Variants in RIN2 observed in about 807,000 individuals in gnomAD.
RIN2 encodes Ras and Rab interactor 2.
RIN2 carries 36 observed loss-of-function variants against 78.0 expected under a neutral mutation model. That is an observed-to-expected ratio of 0.46 (90% CI 0.35 to 0.61). RIN2 has a LOEUF of 0.61. RIN2 is among the 20% of genes least tolerant of loss of function. RIN2 has a pLI of 0.00. For missense variants in RIN2, 1,087 were observed against 1,159.7 expected, an observed-to-expected ratio of 0.94 and a Z score of 0.91; for synonymous variants, 466 against 466.8, an observed-to-expected ratio of 1.00 and a Z score of 0.02.
At chr20:19,987,530 C>T (rs1267963905) in intron 9 of RIN2, among the ~76,000 whole-genome samples, 2 of 152,168 alleles carry the variant, frequency 1.3e-5, no homozygotes, top group Non-Finnish European at 2.9e-5. Context: ...GCCTCAGTTT[C>T]CCCATCTGTT....
At chr20:19,838,777 C>G (rs372977028) in intron 2 of RIN2, among the ~76,000 whole-genome samples, 1 of 152,142 alleles carries the variant, frequency 6.6e-6, no homozygotes, top group South Asian at 2.1e-4. Flanking sequence ...CTCTGCACAC[C>G]TGCACTCCGG....
chr20:19,762,100 T>G (rs1247733729), intron 1 of RIN2, among the ~76,000 whole-genome samples: 1 of 152,156 alleles, frequency 6.6e-6, no homozygotes, highest in Non-Finnish European at 1.5e-5. Flanking sequence ...TTATGAAAAG[T>G]AAGTAAATGT....
At chr20:19,866,587 C>T (rs765475567) in intron 2 of RIN2, among the ~76,000 whole-genome samples, 9 of 152,168 alleles carry the variant, frequency 5.9e-5, no homozygotes, top group African/African-American at 1.7e-4. Context: ...AAAACATTAA[C>T]GTGAAATTGT....
At chr20:19,840,945 G>T (rs558994425) in intron 2 of RIN2, among the ~76,000 whole-genome samples, 3 of 152,164 alleles carry the variant, frequency 2.0e-5, no homozygotes, top group Admixed American at 6.5e-5. Context: ...ATCATCTCCA[G>T]TGTGGACTTT....
At chr20:19,766,539 A>G (rs889882288) in intron 1 of RIN2, among the ~76,000 whole-genome samples, 1 of 152,100 alleles carries the variant, frequency 6.6e-6, no homozygotes, top group Non-Finnish European at 1.5e-5. Context: ...AAGGATTCAC[A>G]ATGGAAGAGA....
At chr20:19,912,872 G>A (rs576450259) in intron 3 of RIN2, among the ~76,000 whole-genome samples, 19 of 152,300 alleles carry the variant, frequency 1.2e-4, no homozygotes, top group Admixed American at 1.0e-3. Context: ...GGAAAACCCC[G>A]GGGTGTGGGA....
intron 2 of RIN2, among the ~76,000 whole-genome samples, chr20:19,880,921 A>G (rs1001496191): frequency 6.6e-6 from 1 of 152,184 alleles, no homozygotes; most frequent in African/African-American, 2.4e-5. Context: ...GACCGAACAT[A>G]TGGCTTCCTT....
intron 4 of RIN2, among the ~76,000 whole-genome samples, chr20:19,943,647 A>G (rs1280280630): frequency 6.6e-6 from 1 of 152,190 alleles, no homozygotes; most frequent in African/African-American, 2.4e-5. Context: ...AAGTCGGAAA[A>G]CTGGACCTAG....
intron 3 of RIN2, among the ~76,000 whole-genome samples, chr20:19,905,312 C>T (rs574864088): frequency 2.0e-5 from 3 of 152,124 alleles, no homozygotes; most frequent in South Asian, 2.1e-4. Context: ...TGAAATAACT[C>T]GTCTACCTGA....
rs1217362738 is a variant in RIN2, at chr20:20,001,528, C to A, written c.*592C>A. 1.3e-5 allele frequency: 2 copies of A among 152,544 alleles called. No individual in the cohort carries two copies. Among genetic ancestry groups the A allele is most frequent in the East Asian group, 3.9e-4 (2 of 5,166 alleles). The allele number at this position is 152,544 out of a possible 1,614,324, so 9.4% of individuals were successfully genotyped here. A position where few individuals can be genotyped will look rare whatever the true frequency, so the allele number is the denominator to read the frequency against. Reference sequence around the variant, plus strand: ...GCATGTGATTTTAACATTTAATATTCAAAAATAAATCTCTTGCTGGATTTG... The same window carrying A: ...GCATGTGATTTTAACATTTAATATTAAAAAATAAATCTCTTGCTGGATTTG... On this transcript the variant is annotated 3_prime_UTR_variant, in exon 13 of 13. Coordinates refer to ENST00000255006, the MANE Select transcript of RIN2 (RefSeq NM_018993.4).
Position 19,970,770 on chromosome 20 carries a change from T to C in RIN2, c.537-68T>C, listed in dbSNP as rs552515512. 30 of 1,248,644 alleles carry C rather than the reference T, an allele frequency of 2.4e-5. No homozygotes were observed. The African/African-American group carries it at 4.0e-4, about 17-fold the overall frequency. 77.3% of individuals were successfully genotyped at this position (1,248,644 alleles called of 1,614,324 possible). A position where few individuals can be genotyped will look rare whatever the true frequency, so the allele number is the denominator to read the frequency against. ...AGTTTAAGCTAAAACATCTCTATGATGAAAATAAACACAAGATAGAAAGCA... is the reference window on the plus strand; with the variant it reads ...AGTTTAAGCTAAAACATCTCTATGACGAAAATAAACACAAGATAGAAAGCA... On this transcript the variant is annotated intron_variant, in intron 7 of 12. Coordinates refer to ENST00000255006, the MANE Select transcript of RIN2 (RefSeq NM_018993.4).
chr20:19,987,279 C>T (rs755852541), intron 9 of RIN2, among the ~76,000 whole-genome samples: 2 of 152,278 alleles, frequency 1.3e-5, no homozygotes, highest in Middle Eastern at 3.4e-3. Context: ...CATTCATTTA[C>T]GTTTCTAATT....
At chr20:19,937,925 T>A (rs895040949) in intron 4 of RIN2, among the ~76,000 whole-genome samples, 1 of 152,210 alleles carries the variant, frequency 6.6e-6, no homozygotes, top group Non-Finnish European at 1.5e-5. Context: ...TGGAAGGAAG[T>A]TCATTCAGAA....
intron 3 of RIN2, among the ~76,000 whole-genome samples, chr20:19,891,871 T>C (rs995724318): frequency 1.3e-5 from 2 of 152,252 alleles, no homozygotes; most frequent in African/African-American, 4.8e-5. Flanking sequence ...AAGTTGCCTT[T>C]GAACATTTCT....
intron 8 of RIN2, among the ~76,000 whole-genome samples, chr20:19,972,056 G>A (rs1349103926): frequency 6.6e-6 from 1 of 152,044 alleles, no homozygotes; most frequent in African/African-American, 2.4e-5. Flanking sequence ...AACTTAGATT[G>A]TATCTGTAGA....
chr20:20,000,364 G>C (rs1489093304), intron 12 of RIN2, among the ~76,000 whole-genome samples: 5 of 152,230 alleles, frequency 3.3e-5, no homozygotes, highest in East Asian at 3.8e-4. Flanking sequence ...GAAATGGAAA[G>C]ATCAGAACCA....
intron 8 of RIN2, among the ~76,000 whole-genome samples, chr20:19,972,137 G>A (rs1211022383): frequency 6.6e-6 from 1 of 152,070 alleles, no homozygotes; most frequent in African/African-American, 2.4e-5. Flanking sequence ...AGAGAATACT[G>A]GTAAAACTCT....
At chr20:19,818,367 T>C (rs1013726524) in intron 2 of RIN2, among the ~76,000 whole-genome samples, 35 of 152,356 alleles carry the variant, frequency 2.3e-4, no homozygotes, top group African/African-American at 7.9e-4. Context: ...TGTTCATGGT[T>C]GGCAAGAGTG....
chr20:19,819,069 A>T (rs903930195), intron 2 of RIN2, among the ~76,000 whole-genome samples: 1 of 152,262 alleles, frequency 6.6e-6, no homozygotes, highest in Non-Finnish European at 1.5e-5. Context: ...CCGGAAGGAC[A>T]GATCTTTAAT....
Sources: gnomAD v4.1 joint callset for allele counts (sites outside exome capture counted in the v4.1 genomes callset) on GRCh38, gnomAD v4.1.1 for gene constraint, MANE v1.5 for transcripts, NCBI Gene and HGNC (gene_info 2026-07-23, HGNC 2026-07-21) for gene names.